Variants in RNLS observed in about 807,000 individuals in gnomAD.
The protein encoded by RNLS is renalase, FAD dependent amine oxidase.
In RNLS, 39 loss-of-function variants were observed where a neutral mutation model predicts 39.8. That is an observed-to-expected ratio of 0.98 (90% CI 0.76 to 1.28). The LOEUF is 1.28. RNLS is among the 50% of genes most tolerant of loss of function. The pLI, the probability that RNLS is intolerant of heterozygous loss-of-function variation, is 0.00. For synonymous variants in RNLS, 147 were observed against 150.7 expected, an observed-to-expected ratio of 0.98 and a Z score of 0.18; for missense variants, 410 against 413.3, an observed-to-expected ratio of 0.99 and a Z score of 0.07.
At chr10:88,462,819 C>T (rs1016700856) in intron 4 of RNLS, among the ~76,000 whole-genome samples, 1 of 132,498 alleles carries the variant, frequency 7.5e-6, no homozygotes, top group Admixed American at 7.3e-5. Flanking sequence ...AATATTTGTC[C>T]TGCTAAGGAA....
chr10:88,468,175 G>C (rs534537894), intron 4 of RNLS, among the ~76,000 whole-genome samples: 1 of 152,164 alleles, frequency 6.6e-6, no homozygotes, highest in Middle Eastern at 3.2e-3. Flanking sequence ...GCAAAAAGTA[G>C]AACTAGATTG....
At chr10:88,447,920 T>C (rs1842137176) in intron 4 of RNLS, among the ~76,000 whole-genome samples, 1 of 152,242 alleles carries the variant, frequency 6.6e-6, no homozygotes, top group African/African-American at 2.4e-5. Flanking sequence ...GGATTCCCTA[T>C]TTAATAAATG....
the RNLS span, among the ~76,000 whole-genome samples, chr10:88,229,991 A>G: frequency 6.6e-6 from 1 of 152,006 alleles, no homozygotes; most frequent in Admixed American, 6.6e-5. Context: ...GCCTAATACA[A>G]TCCCTGGAAA....
intron 4 of RNLS, among the ~76,000 whole-genome samples, chr10:88,532,146 A>G (rs928467946): frequency 2.0e-5 from 3 of 152,088 alleles, no homozygotes; most frequent in Admixed American, 2.0e-4. Context: ...CATGTTTACG[A>G]CAGCCTTTAC....
chr10:88,367,981 TAG>T (rs1425430101), intron 4 of RNLS, among the ~76,000 whole-genome samples: 3 of 152,112 alleles, frequency 2.0e-5, no homozygotes, highest in Admixed American at 2.0e-4. Flanking sequence ...ATTTGATGAA[TAG>T]AGTTTTAATT....
chr10:88,292,176 A>T (rs1250611663), intron 6 of RNLS, among the ~76,000 whole-genome samples: 1 of 151,378 alleles, frequency 6.6e-6, no homozygotes, highest in East Asian at 1.9e-4. Context: ...CTCCTTTGAG[A>T]TATGGGTCTT....
chr10:88,189,338 G>C, the RNLS span, among the ~76,000 whole-genome samples: 6 of 152,116 alleles, frequency 3.9e-5, no homozygotes, highest in Non-Finnish European at 2.9e-5. Flanking sequence ...TGACTTTGGA[G>C]TGTCAATAAC....
At chr10:88,486,941 G>A (rs1302512089) in intron 4 of RNLS, among the ~76,000 whole-genome samples, 1 of 113,220 alleles carries the variant, frequency 8.8e-6, no homozygotes, top group Non-Finnish European at 2.1e-5. Context: ...ATTCACAATA[G>A]TAAAACATTT....
the RNLS span, among the ~76,000 whole-genome samples, chr10:88,211,828 G>C: frequency 1.3e-5 from 2 of 152,132 alleles, no homozygotes; most frequent in Non-Finnish European, 2.9e-5. Context: ...AGAGGAAACT[G>C]ATAAGATTTG....
chr10:88,478,610 T>A (rs1843958371), intron 4 of RNLS, among the ~76,000 whole-genome samples: 1 of 152,092 alleles, frequency 6.6e-6, no homozygotes, highest in African/African-American at 2.4e-5. Context: ...TCCCCCCAGA[T>A]AAAAAATAAA....
chr10:88,294,697 G>GTGTCTTAC (rs1201476808), intron 6 of RNLS, among the ~76,000 whole-genome samples: 3 of 152,130 alleles, frequency 2.0e-5, no homozygotes, highest in Non-Finnish European at 2.9e-5. Context: ...TATGGGGGCT[G>GTGTCTTAC]TGTCTTACTC....
In RNLS at chr10:88,408,074, T is replaced by A. The variant is rs561958454; in HGVS notation, c.527-45349A>T. Among the ~76,000 whole-genome samples, 5 of 152,244 alleles carry A rather than the reference T, an allele frequency of 3.3e-5. No homozygotes were observed. The South Asian group carries it at 1.0e-3, about 32-fold the overall frequency. On this transcript the variant is annotated intron_variant, in intron 4 of 6. Coordinates refer to ENST00000331772, the MANE Select transcript of RNLS (RefSeq NM_001031709.3). ...AGAGATAGGGCACATATTATATACA[T>A]GCAATTATTAAATGTGTTTAAACTG...
At chr10:88,331,276 A>G (rs1014079941) in intron 5 of RNLS, among the ~76,000 whole-genome samples, 1 of 152,218 alleles carries the variant, frequency 6.6e-6, no homozygotes, top group Non-Finnish European at 1.5e-5. Context: ...GGCAGTGTGT[A>G]TCAAGGGTCA....
chr10:88,361,792 A>T (rs989282227), intron 5 of RNLS, among the ~76,000 whole-genome samples: 11 of 152,198 alleles, frequency 7.2e-5, no homozygotes, highest in African/African-American at 1.2e-4. Flanking sequence ...TAACAGATTG[A>T]CAGGACAATT....
At chr10:88,479,341 C>T (rs1165526061) in intron 4 of RNLS, among the ~76,000 whole-genome samples, 1 of 152,096 alleles carries the variant, frequency 6.6e-6, no homozygotes, top group Non-Finnish European at 1.5e-5. Context: ...TAGAGTGTTG[C>T]AAATCATTTT....
the RNLS span, among the ~76,000 whole-genome samples, chr10:88,260,176 A>T: frequency 1.3e-5 from 2 of 152,186 alleles, no homozygotes; most frequent in African/African-American, 4.8e-5. Flanking sequence ...TAATTTCCTG[A>T]CCAAGAAATT....
chr10:88,435,602 A>G (rs1228645553), intron 4 of RNLS, among the ~76,000 whole-genome samples: 2 of 152,204 alleles, frequency 1.3e-5, no homozygotes. Flanking sequence ...ATGAAACATT[A>G]ATGCATCTGG....
At chr10:88,341,528 C>G (rs1589598885) in intron 5 of RNLS, among the ~76,000 whole-genome samples, 1 of 151,962 alleles carries the variant, frequency 6.6e-6, no homozygotes, top group East Asian at 1.9e-4. Flanking sequence ...TTGTGAAGAT[C>G]ATTTCACTAC....
chr10:88,551,270 T>C (rs1410174458), intron 4 of RNLS, among the ~76,000 whole-genome samples: 1 of 152,228 alleles, frequency 6.6e-6, no homozygotes, highest in Non-Finnish European at 1.5e-5. Flanking sequence ...ACAAACCTCT[T>C]ATTAAAAATC....
Sources: gnomAD v4.1 joint callset for allele counts (sites outside exome capture counted in the v4.1 genomes callset) on GRCh38, gnomAD v4.1.1 for gene constraint, MANE v1.5 for transcripts, NCBI Gene and HGNC (gene_info 2026-07-23, HGNC 2026-07-21) for gene names.